The following ANXA4 variants were observed in gnomAD, a reference collection of about 807,000 sequenced individuals.
ANXA4 encodes the protein 35-beta calcimedin.
Under a neutral mutation model 49.8 loss-of-function variants are expected in ANXA4, and 39 were observed. That is an observed-to-expected ratio of 0.78 (90% CI 0.61 to 1.02). ANXA4 has a LOEUF of 1.02. Among genes scored for constraint, ANXA4 ranks in the 50% least tolerant of loss-of-function variants. The pLI is 0.00. For missense variants in ANXA4, 360 were observed against 410.1 expected, an observed-to-expected ratio of 0.88 and a Z score of 1.05; for synonymous variants, 134 against 152.5, an observed-to-expected ratio of 0.88 and a Z score of 0.89.
intron 2 of ANXA4, among the ~76,000 whole-genome samples, chr2:69,672,412 A>G (rs566921204): frequency 3.8e-4 from 58 of 152,058 alleles, no homozygotes; most frequent in African/African-American, 1.4e-3. Flanking sequence ...TTGTATTTTT[A>G]GTAGAGATGG....
chr2:69,706,822 A>G (rs1332285651), intron 2 of ANXA4, among the ~76,000 whole-genome samples: 1 of 152,208 alleles, frequency 6.6e-6, no homozygotes, highest in Admixed American at 6.5e-5. Flanking sequence ...GTATCAGTAA[A>G]TCATTACTTG....
chr2:69,818,618 G>A lies in ANXA4; in HGVS notation c.648G>A (p.Arg216=). The change falls in exon 10 of 13, where the codon AGG becomes AGA. Residue 216 remains arginine, a synonymous_variant. Transcript: ENST00000394295. ...CTGCAGTGTTTGATGAATACAAAAG[G>A]ATATCACAGAAGGATATTGAACAGA... ...HLLHVFDEYK[R]ISQKDIEQSI... is the part of the protein sequence containing the mutation. The A allele has an allele frequency of 6.2e-7, 1 of 1,606,062 alleles. No homozygotes were observed. The highest frequency in any genetic ancestry group is 8.5e-7 in the Non-Finnish European group (1 of 1,175,506).
intron 2 of ANXA4, among the ~76,000 whole-genome samples, chr2:69,691,605 A>G (rs1360819129): frequency 6.6e-6 from 1 of 151,954 alleles, no homozygotes; most frequent in Admixed American, 6.5e-5. Flanking sequence ...ACACAGACGC[A>G]TGCACATATG....
chr2:69,650,016 G>C (rs1231702689), intron 1 of ANXA4, among the ~76,000 whole-genome samples: 1 of 133,300 alleles, frequency 7.5e-6, no homozygotes, highest in African/African-American at 2.9e-5. Context: ...GCTGACTGCA[G>C]CCACCACCTC....
At chr2:69,776,757 C>CA (rs1375583209) in intron 1 of ANXA4, among the ~76,000 whole-genome samples, 2 of 152,036 alleles carry the variant, frequency 1.3e-5, no homozygotes, top group African/African-American at 4.8e-5. Context: ...AAAAAAATTG[C>CA]AAAAAATCTC....
chr2:69,647,654 C>G (rs1472720409), intron 1 of ANXA4, among the ~76,000 whole-genome samples: 1 of 152,012 alleles, frequency 6.6e-6, no homozygotes, highest in Non-Finnish European at 1.5e-5. Context: ...GGCCATCCAC[C>G]CACCTTGGCC....
chr2:69,679,210 C>T (rs1446827465), intron 2 of ANXA4, among the ~76,000 whole-genome samples: 1 of 152,170 alleles, frequency 6.6e-6, no homozygotes, highest in African/African-American at 2.4e-5. Context: ...GATCACAGCT[C>T]ATTGCAGCCT....
At chr2:69,675,883 C>T (rs915736020) in intron 2 of ANXA4, among the ~76,000 whole-genome samples, 8 of 151,566 alleles carry the variant, frequency 5.3e-5, no homozygotes, top group Non-Finnish European at 4.4e-5. Context: ...ATTAGCCAAG[C>T]GTGGTCTCAG....
At chr2:69,819,633 A>C (rs1164624345) in intron 11 of ANXA4, among the ~76,000 whole-genome samples, 17 of 152,144 alleles carry the variant, frequency 1.1e-4, no homozygotes. Flanking sequence ...AAGGATATGC[A>C]GTTTGCCCAA....
In ANXA4 at chr2:69,826,939, A is replaced by T. The variant is rs2103925634; in HGVS notation, c.*1424A>T. 6.6e-6 allele frequency: 1 copy of T among 152,304 alleles called. No homozygotes were observed. Among genetic ancestry groups the T allele is most frequent in the African/African-American group, 2.4e-5 (1 of 41,554 alleles). The allele number at this position is 152,304 out of a possible 1,614,324, so 9.4% of individuals were successfully genotyped here. ...CAGGAATTACAAGATAAGAAAAAAAAAATCATATTTAGTCTTATGCGTGCC... is the reference window on the plus strand; with the variant it reads ...CAGGAATTACAAGATAAGAAAAAAATAATCATATTTAGTCTTATGCGTGCC... On this transcript the variant is annotated 3_prime_UTR_variant, in exon 13 of 13. Transcript: ENST00000394295.
intron 1 of ANXA4, among the ~76,000 whole-genome samples, chr2:69,743,375 G>A (rs192366683): frequency 6.7e-6 from 1 of 148,612 alleles, no homozygotes; most frequent in Non-Finnish European, 1.5e-5. Flanking sequence ...GTGCCAACAC[G>A]CCTGGCTAAT....
chr2:69,696,937 G>A (rs1234608269), intron 2 of ANXA4, among the ~76,000 whole-genome samples: 1 of 152,160 alleles, frequency 6.6e-6, no homozygotes, highest in Non-Finnish European at 1.5e-5. Flanking sequence ...ATACAGCACT[G>A]GCAGAGTAGA....
rs1676323846 is a variant in ANXA4, at chr2:69,653,372, G to A, written n.766+90G>A. 4 of 152,278 alleles carry A rather than the reference G, an allele frequency of 2.6e-5. No individual in the cohort carries two copies. In the South Asian group the frequency reaches 8.3e-4, roughly 32 times the overall value. The allele number at this position is 152,278 out of a possible 1,614,324, so 9.4% of individuals were successfully genotyped here. A position where few individuals can be genotyped will look rare whatever the true frequency, so the allele number is the denominator to read the frequency against. On this transcript the variant is annotated intron_variant and non_coding_transcript_variant, in intron 2 of 3. Coordinates refer to the ANXA4 transcript ENST00000418066. ...TGAGATGCTTCAGGAGTGAAAGTGG[G>A]GACAATGAAAATTATGCTAGGACAA...
chr2:69,656,411 GTATATATATATGTGTGTGTA>G (rs1676494694), intron 2 of ANXA4, among the ~76,000 whole-genome samples: 1 of 126,782 alleles, frequency 7.9e-6, no homozygotes, highest in African/African-American at 2.9e-5. Flanking sequence ...GTATATATAT[GTATATATATATGTGTGTGTA>G]TATATATATA....
intron 2 of ANXA4, among the ~76,000 whole-genome samples, chr2:69,659,828 G>A (rs1451113308): frequency 6.6e-6 from 1 of 152,180 alleles, no homozygotes; most frequent in East Asian, 1.9e-4. Context: ...TGAAATCAGA[G>A]GGAAAAGATT....
chr2:69,649,869 G>A (rs932883402), intron 1 of ANXA4, among the ~76,000 whole-genome samples: 24 of 143,124 alleles, frequency 1.7e-4, no homozygotes, highest in African/African-American at 6.2e-4. Flanking sequence ...CAATCCACCC[G>A]CATCAGCCTC....
At chr2:69,770,101 AT>A in intron 1 of ANXA4, among the ~76,000 whole-genome samples, 1 of 152,228 alleles carries the variant, frequency 6.6e-6, no homozygotes, top group Non-Finnish European at 1.5e-5. Context: ...ATCGATTCTT[AT>A]TTAAGATGGC....
At chr2:69,664,875 G>C (rs551724511) in intron 2 of ANXA4, among the ~76,000 whole-genome samples, 52 of 152,314 alleles carry the variant, frequency 3.4e-4, no homozygotes, top group African/African-American at 1.2e-3. Context: ...GGCTGAGGCA[G>C]GCAGATCACT....
intron 3 of ANXA4, among the ~76,000 whole-genome samples, chr2:69,792,066 AC>A (rs1672716443): frequency 6.6e-6 from 1 of 152,140 alleles, no homozygotes; most frequent in Non-Finnish European, 1.5e-5. Flanking sequence ...AATACTGTTT[AC>A]CTCTCTTCTA....
Sources: allele counts gnomAD v4.1 joint callset (sites outside exome capture counted in the v4.1 genomes callset), GRCh38; gene constraint gnomAD v4.1.1; transcripts MANE v1.5; gene names NCBI Gene and HGNC (gene_info 2026-07-23, HGNC 2026-07-21).